The following KCNQ5 variants were observed in gnomAD, a reference collection of about 807,000 sequenced individuals.
KCNQ5 encodes the protein potassium voltage-gated channel subfamily KQT member 5.
A neutral mutation model predicts 98.2 loss-of-function variants in KCNQ5; 30 were observed. The ratio of observed to expected loss-of-function variants is 0.31; its 90% CI spans 0.23 to 0.41. KCNQ5 has a LOEUF of 0.41. Ranked by LOEUF, KCNQ5 falls within the 10% of genes least tolerant of loss-of-function variation. The pLI is 1.00. For missense variants in KCNQ5, 835 were observed against 1,182.5 expected (o/e 0.71, Z 4.31); for synonymous variants, 458 against 449.4 (o/e 1.02, Z -0.24).
chr6:73,184,579 T>C (rs1048369976), intron 11 of KCNQ5, among the ~76,000 whole-genome samples: 14 of 152,338 alleles, frequency 9.2e-5, no homozygotes, highest in African/African-American at 3.1e-4. Context: ...CCAGGGATTA[T>C]GCAGATGCTG....
At chr6:72,983,664 C>G (rs544214066) in intron 1 of KCNQ5, among the ~76,000 whole-genome samples, 1 of 152,304 alleles carries the variant, frequency 6.6e-6, no homozygotes, top group Non-Finnish European at 1.5e-5. Flanking sequence ...CCTTCTGAAG[C>G]CTACTTCTGC....
rs1458179206 is a variant in KCNQ5, at chr6:72,647,471, G to A, written c.398+24884G>A. ...AAAACAAAACAAAACGAAAAAAAAA[G>A]AAAAAAAAAAAGAGATGCCATAAGA... On this transcript the variant is annotated intron_variant, in intron 1 of 13. Transcript: ENST00000370398. 9.3e-4 allele frequency among the ~76,000 whole-genome samples: 130 copies of A among 140,008 alleles called. 1 individual carries two copies. Among genetic ancestry groups the A allele is most frequent in the African/African-American group, 2.6e-3 (99 of 38,458 alleles). The allele number at this position is 140,008 out of a possible 152,430, so 91.9% of individuals were successfully genotyped here.
rs200493374 is a variant in KCNQ5, at chr6:72,861,829, A to AT, written c.399-142079_399-142078insT. 7.9e-3 allele frequency among the ~76,000 whole-genome samples: 1,195 copies of AT among 150,348 alleles called. 12 individuals are homozygous for AT. Among genetic ancestry groups the AT allele is most frequent in the African/African-American group, 0.027 (1,120 of 41,012 alleles). On this transcript the variant is annotated intron_variant, in intron 1 of 13. Transcript: ENST00000370398. ...GTACCCTAAAACTTAAAGTATAATA[A>AT]AAAAAAAAAACCTGGATCCACCCCC... is the stretch of plus-strand genomic sequence containing the variant.
At chr6:72,988,783 C>T (rs1264122679) in intron 1 of KCNQ5, among the ~76,000 whole-genome samples, 3 of 108,696 alleles carry the variant, frequency 2.8e-5, no homozygotes, top group African/African-American at 7.1e-5. Context: ...TTAGGTATAT[C>T]TCCCAATGCT....
chr6:73,151,639 C>T (rs370480108), intron 10 of KCNQ5, among the ~76,000 whole-genome samples: 3 of 152,174 alleles, frequency 2.0e-5, no homozygotes, highest in African/African-American at 4.8e-5. Context: ...AGGTAAATTG[C>T]GTCAGGTAAC....
intron 1 of KCNQ5, among the ~76,000 whole-genome samples, chr6:72,808,452 A>G (rs16882900): frequency 0.065 from 9,865 of 152,218 alleles, 622 homozygotes; most frequent in African/African-American, 0.16. Context: ...AGCACTGTAC[A>G]AGGGTACCCA....
intron 1 of KCNQ5, among the ~76,000 whole-genome samples, chr6:72,892,556 T>C (rs1288552267): frequency 6.6e-6 from 1 of 152,184 alleles, no homozygotes; most frequent in Non-Finnish European, 1.5e-5. Flanking sequence ...TAATGTGCTA[T>C]GACAGGAGGA....
intron 1 of KCNQ5, among the ~76,000 whole-genome samples, chr6:72,665,976 T>C (rs1766790252): frequency 6.6e-6 from 1 of 152,210 alleles, no homozygotes; most frequent in South Asian, 2.1e-4. Flanking sequence ...TCACTACTCT[T>C]GGCTTCTCAT....
intron 11 of KCNQ5, 105 bp downstream of exon 11, chr6:73,169,959 A>G: frequency 1.3e-6 from 1 of 745,828 alleles, no homozygotes; most frequent in Non-Finnish European, 2.4e-6. Context: ...TGGAATAACC[A>G]CTTTCCCTTT....
chr6:73,069,849 A>C (rs1451358778), intron 3 of KCNQ5, among the ~76,000 whole-genome samples: 1 of 152,200 alleles, frequency 6.6e-6, no homozygotes, highest in African/African-American at 2.4e-5. Context: ...AGGTAGTATA[A>C]TCATCTTAAC....
chr6:73,031,431 C>T (rs954180433), intron 2 of KCNQ5, among the ~76,000 whole-genome samples: 2 of 152,178 alleles, frequency 1.3e-5, no homozygotes, highest in African/African-American at 4.8e-5. Context: ...TTTTCCACCT[C>T]CAGCTAGCTC....
intron 2 of KCNQ5, among the ~76,000 whole-genome samples, chr6:73,004,370 T>C (rs1769726117): frequency 6.6e-6 from 1 of 152,234 alleles, no homozygotes; most frequent in African/African-American, 2.4e-5. Flanking sequence ...AGAGAGCATT[T>C]TCCAATAACT....
At position 73,159,443 on chromosome 6, in the gene KCNQ5, G is replaced by A. The variant is rs528352448; in HGVS notation, c.1469-10303G>A. ...TCTGTACAACAAACCTGAGTTTACC[G>A]ATATAATAAACCTTCTCATGTACCC... On this transcript the variant is annotated intron_variant, in intron 10 of 13. Transcript: ENST00000370398. Among the ~76,000 whole-genome samples, 205 of 152,156 alleles carry A rather than the reference G, an allele frequency of 1.3e-3. 1 individual carries two copies. The highest frequency in any genetic ancestry group is 2.2e-3 in the Non-Finnish European group (147 of 68,014).
At chr6:73,117,373 T>C (rs929866048) in intron 7 of KCNQ5, among the ~76,000 whole-genome samples, 5 of 152,218 alleles carry the variant, frequency 3.3e-5, no homozygotes, top group Non-Finnish European at 5.9e-5. Flanking sequence ...CACCTGCACC[T>C]TCCATACCTC....
intron 1 of KCNQ5, among the ~76,000 whole-genome samples, chr6:72,870,689 C>T (rs9360607): frequency 0.89 from 136,039 of 152,244 alleles, 61,605 homozygotes; most frequent in Middle Eastern, 0.98. Context: ...TTATTATAAT[C>T]TGATTGTTCT....
intron 10 of KCNQ5, among the ~76,000 whole-genome samples, chr6:73,156,692 A>G (rs1180593373): frequency 2.0e-5 from 3 of 152,244 alleles, no homozygotes; most frequent in African/African-American, 7.2e-5. Flanking sequence ...TGTAAGTAAC[A>G]TATCACAATA....
chr6:72,840,618 C>G (rs575903443), intron 1 of KCNQ5, among the ~76,000 whole-genome samples: 1 of 152,172 alleles, frequency 6.6e-6, no homozygotes, highest in Non-Finnish European at 1.5e-5. Context: ...CCAAGCCCCC[C>G]GGCTAGTTGT....
At chr6:72,833,780 T>A (rs1219293302) in intron 1 of KCNQ5, among the ~76,000 whole-genome samples, 1 of 152,108 alleles carries the variant, frequency 6.6e-6, no homozygotes, top group Non-Finnish European at 1.5e-5. Context: ...AGTATTTATT[T>A]TAGAAAAACC....
In KCNQ5 at chr6:72,639,799, A is replaced by G. The variant is rs564703906; in HGVS notation, c.398+17212A>G. Among the ~76,000 whole-genome samples the G allele has an allele frequency of 5.3e-4, 81 of 152,300 alleles. 1 individual carries two copies. The highest frequency in any genetic ancestry group is 1.9e-3 in the African/African-American group (77 of 41,570). ...GAGGGAGAATGGTAGATTAGGAATC[A>G]ACAAAGTAAAGCTAAACTTTTATTT... On this transcript the variant is annotated intron_variant, in intron 1 of 13. Transcript: ENST00000370398.
Sources: gnomAD v4.1 joint callset for allele counts (sites outside exome capture counted in the v4.1 genomes callset) on GRCh38, gnomAD v4.1.1 for gene constraint, MANE v1.5 for transcripts, NCBI Gene and HGNC (gene_info 2026-07-23, HGNC 2026-07-21) for gene names.